Variants in NDUFS1 observed in about 807,000 individuals in gnomAD.
NDUFS1 encodes NADH-ubiquinone oxidoreductase 75 kDa subunit, mitochondrial.
In NDUFS1, 61 loss-of-function variants were observed where a neutral mutation model predicts 84.4. The observed-to-expected ratio is 0.72, with a 90% CI of 0.59 to 0.89. The LOEUF is 0.89. Ranked by LOEUF, NDUFS1 falls within the 40% of genes least tolerant of loss-of-function variation. NDUFS1 has a pLI of 0.00. For synonymous variants in NDUFS1, 275 were observed against 290.0 expected (o/e 0.95, Z 0.53); for missense variants, 891 against 890.0 (o/e 1.00, Z -0.01).
intron 3 of NDUFS1, among the ~76,000 whole-genome samples, chr2:206,150,416 A>T (rs780142123): frequency 8.6e-5 from 13 of 151,990 alleles, no homozygotes; most frequent in South Asian, 4.2e-4. Context: ...AGTAAGGGGG[A>T]TTATCCCTGC....
At chr2:206,138,426 A>T (rs188876987) in intron 13 of NDUFS1, 59 bp downstream of exon 13, 3 of 1,558,660 alleles carry the variant, frequency 1.9e-6, no homozygotes, top group Non-Finnish European at 1.8e-6. Flanking sequence ...AAAAACAGTT[A>T]AGTTTAAATA....
chr2:206,125,807 C>T (rs1253356919), intron 18 of NDUFS1, among the ~76,000 whole-genome samples: 1 of 152,142 alleles, frequency 6.6e-6, no homozygotes, highest in Admixed American at 6.6e-5. Flanking sequence ...TCTCCCTCCT[C>T]CCACTCTCCA....
chr2:206,124,513 T>C (rs965503281), intron 18 of NDUFS1, among the ~76,000 whole-genome samples: 2 of 152,044 alleles, frequency 1.3e-5, no homozygotes, highest in African/African-American at 4.8e-5. Context: ...TGCACCAGTA[T>C]GCAGCCATTA....
chr2:206,135,681 A>G, intron 13 of NDUFS1, among the ~76,000 whole-genome samples: 1 of 152,180 alleles, frequency 6.6e-6, no homozygotes, highest in South Asian at 2.1e-4. Context: ...TCTCAAAAAA[A>G]AAAGAAAAAA....
intron 15 of NDUFS1, among the ~76,000 whole-genome samples, chr2:206,128,791 AT>A (rs528046234): frequency 1.1e-4 from 17 of 150,488 alleles, no homozygotes; most frequent in East Asian, 3.9e-4. Context: ...AAAAAAAAAA[AT>A]TTTTTTTTTA....
chr2:206,146,068 C>T (rs1692143759), intron 8 of NDUFS1, among the ~76,000 whole-genome samples: 1 of 152,178 alleles, frequency 6.6e-6, no homozygotes, highest in African/African-American at 2.4e-5. Context: ...ACAGCCTCAA[C>T]TTTGAATATG....
At chr2:206,128,704 C>T (rs7597569) in intron 15 of NDUFS1, among the ~76,000 whole-genome samples, 2,310 of 151,688 alleles carry the variant, frequency 0.015, 57 homozygotes, top group African/African-American at 0.053. Context: ...TCGTTTGAAC[C>T]CGTGAGGCTG....
chr2:206,155,933 C>T (rs1220656973), intron 1 of NDUFS1, among the ~76,000 whole-genome samples: 2 of 151,730 alleles, frequency 1.3e-5, no homozygotes, highest in Non-Finnish European at 2.9e-5. Context: ...ACTGAACTTT[C>T]CTTCTATTCA....
rs1164028381 is a variant in NDUFS1 at position 206,117,783 on chromosome 2, A to G, written c.*6402T>C. On this transcript the variant is annotated 3_prime_UTR_variant, in exon 19 of 19. Transcript: ENST00000233190. ...CATCAGAAGAGCTGATCCAAACCCA[A>G]GATCTGCCCCTAACTTGCCTCTTAT... 6.6e-6 allele frequency: 1 copy of G among 152,230 alleles called. No individual in the cohort carries two copies. Among genetic ancestry groups the G allele is most frequent in the African/African-American group, 2.4e-5 (1 of 41,456 alleles). The allele number at this position is 152,230 out of a possible 1,614,324, so 9.4% of individuals were successfully genotyped here.
intron 18 of NDUFS1, among the ~76,000 whole-genome samples, chr2:206,124,568 G>C (rs958393017): frequency 4.6e-5 from 7 of 152,094 alleles, no homozygotes; most frequent in African/African-American, 1.7e-4. Flanking sequence ...GGCCAGGCGC[G>C]GTGGCTCACA....
At position 206,147,599 on chromosome 2, in the gene NDUFS1, T is replaced by C. The variant is rs1212861528; in HGVS notation, c.483A>G (p.Glu161=). 4 of 1,614,182 alleles carry C rather than the reference T, an allele frequency of 2.5e-6. No individual in the cohort carries two copies. The highest frequency in any genetic ancestry group is 3.4e-6 in the Non-Finnish European group (4 of 1,180,018). ...SRFLEGKRAV[E]DKNIGPLVKT... is the part of the protein sequence containing the mutation. Reference sequence around the variant, plus strand: ...TTACCAATGGCCCAATGTTCTTGTCTTCCACAGCACGCTTCCCCTCTAAAA... The same window carrying C: ...TTACCAATGGCCCAATGTTCTTGTCCTCCACAGCACGCTTCCCCTCTAAAA... Residue 161 remains glutamate (E), a synonymous_variant, in exon 7 of 19, where the codon GAA becomes GAG. Transcript: ENST00000233190.
rs1161741555 is a variant in NDUFS1, at chr2:206,159,426, G to A, written c.-90C>T. Reference sequence around the variant, plus strand: ...GGAGGCCGGGTCGCTTATTCAATATGGCGGCCTCGGCTAACTCTGTCAGCC... The same window carrying A: ...GGAGGCCGGGTCGCTTATTCAATATAGCGGCCTCGGCTAACTCTGTCAGCC... On this transcript the variant is annotated 5_prime_UTR_variant, in exon 1 of 19. Coordinates refer to ENST00000233190, the MANE Select transcript of NDUFS1 (RefSeq NM_005006.7). 4.3e-6 allele frequency: 2 copies of A among 463,058 alleles called. No homozygotes were observed. The highest frequency in any genetic ancestry group is 3.9e-6 in the Non-Finnish European group (1 of 256,358). 28.7% of individuals were successfully genotyped at this position (463,058 alleles called of 1,614,324 possible).
chr2:206,153,557 C>G, intron 2 of NDUFS1, 61 bp downstream of exon 2: 1 of 1,010,438 alleles, frequency 9.9e-7, no homozygotes, highest in Non-Finnish European at 1.6e-6. Context: ...ATGCCATAGA[C>G]TTATAAATTT....
intron 3 of NDUFS1, 27 bp downstream of exon 3, chr2:206,152,392 C>T (rs776333665): frequency 5.1e-6 from 8 of 1,577,592 alleles, no homozygotes; most frequent in Non-Finnish European, 7.0e-6. Flanking sequence ...AGAACACACA[C>T]ACAAAATAGT....
At chr2:206,140,845 T>C (rs1180342893) in intron 12 of NDUFS1, among the ~76,000 whole-genome samples, 1 of 151,362 alleles carries the variant, frequency 6.6e-6, no homozygotes, top group Admixed American at 6.6e-5. Flanking sequence ...AATTTAGGTA[T>C]AAAAGGGCAC....
At chr2:206,149,794 T>A (rs747499751) in intron 4 of NDUFS1, 24 bp downstream of exon 4, 1 of 1,530,562 alleles carries the variant, frequency 6.5e-7, no homozygotes, top group Non-Finnish European at 9.0e-7. Context: ...TACAGCATGG[T>A]GTAGAATTTT....
chr2:206,124,404 T>G, intron 18 of NDUFS1, 128 bp from the exon 19 acceptor site: 1 of 720,938 alleles, frequency 1.4e-6, no homozygotes, highest in Non-Finnish European at 2.4e-6. Flanking sequence ...TATATAATTA[T>G]ATGTAACCAA....
chr2:206,139,080 C>T (rs1691833130), intron 12 of NDUFS1, among the ~76,000 whole-genome samples: 1 of 150,784 alleles, frequency 6.6e-6, no homozygotes, highest in Non-Finnish European at 1.5e-5. Context: ...CGGGCCACTG[C>T]ACTCCAGCCT....
chr2:206,134,713 A>C (rs1691644692), intron 13 of NDUFS1, among the ~76,000 whole-genome samples: 1 of 152,208 alleles, frequency 6.6e-6, no homozygotes, highest in African/African-American at 2.4e-5. Flanking sequence ...AGGTTGGCTC[A>C]TGCTTGTAAT....
Sources: allele counts gnomAD v4.1 joint callset (sites outside exome capture counted in the v4.1 genomes callset), GRCh38; gene constraint gnomAD v4.1.1; transcripts MANE v1.5; gene names NCBI Gene and HGNC (gene_info 2026-07-23, HGNC 2026-07-21).